Variants in NEGR1 observed in about 807,000 individuals in gnomAD.
NEGR1 encodes neuronal growth regulator 1, also known as IgLON family member 4.
In NEGR1, 10 loss-of-function variants were observed where a neutral mutation model predicts 40.9. The ratio of observed to expected loss-of-function variants is 0.24; its 90% CI spans 0.15 to 0.42. NEGR1 has a LOEUF of 0.42. Among genes scored for constraint, NEGR1 ranks in the 10% least tolerant of loss-of-function variants. NEGR1 has a pLI of 1.00. For synonymous variants in NEGR1, 185 were observed against 166.8 expected (o/e 1.11, Z -0.84); for missense variants, 352 against 438.9 (o/e 0.80, Z 1.77).
rs1218936081 is a variant in NEGR1 at position 71,592,857 on chromosome 1, G to A, written c.900C>T (p.Ala300=). 1.2e-6 allele frequency: 2 copies of A among 1,613,238 alleles called. No homozygotes were observed. Among genetic ancestry groups the A allele is most frequent in the Admixed American group, 3.3e-5 (2 of 59,984 alleles). Reference sequence around the variant, plus strand: ...TCGCATTGGTTGTGCCTAGCTTGTTGGCAGCCACACAGGTATAATTGCCGA... The same window carrying A: ...TCGCATTGGTTGTGCCTAGCTTGTTAGCAGCCACACAGGTATAATTGCCGA... ...EHFGNYTCVA[A]NKLGTTNASL... is the part of the protein sequence containing the mutation. The change falls in exon 6 of 7, where the codon GCC becomes GCT. Residue 300 remains alanine (A), a synonymous_variant. Coordinates refer to ENST00000357731, the MANE Select transcript of NEGR1 (RefSeq NM_173808.3).
At chr1:72,097,095 C>T (rs995176702) in intron 1 of NEGR1, among the ~76,000 whole-genome samples, 4 of 152,018 alleles carry the variant, frequency 2.6e-5, no homozygotes. Flanking sequence ...CTTAGTTTTA[C>T]TTTTTATTTT....
At chr1:72,253,449 T>C (rs1655168593) in intron 1 of NEGR1, among the ~76,000 whole-genome samples, 1 of 152,114 alleles carries the variant, frequency 6.6e-6, no homozygotes, top group Non-Finnish European at 1.5e-5. Context: ...GATTAAATAA[T>C]AAATCAACAC....
At chr1:71,473,741 T>G (rs1363288130) in intron 6 of NEGR1, among the ~76,000 whole-genome samples, 1 of 152,068 alleles carries the variant, frequency 6.6e-6, no homozygotes, top group Non-Finnish European at 1.5e-5. Context: ...TGGGGAGCAG[T>G]GGGTGGTAGT....
At chr1:71,870,279 T>C (rs980953757) in intron 2 of NEGR1, among the ~76,000 whole-genome samples, 2 of 152,194 alleles carry the variant, frequency 1.3e-5, no homozygotes, top group African/African-American at 2.4e-5. Flanking sequence ...TATTAGAATG[T>C]AGTATTGACA....
At chr1:72,096,638 T>C (rs938180594) in intron 1 of NEGR1, among the ~76,000 whole-genome samples, 1 of 150,620 alleles carries the variant, frequency 6.6e-6, no homozygotes. Flanking sequence ...CTTGTAGTTG[T>C]ATCTTTTACT....
intron 1 of NEGR1, among the ~76,000 whole-genome samples, chr1:72,072,204 T>G (rs1311100274): frequency 6.6e-6 from 1 of 152,112 alleles, no homozygotes; most frequent in Non-Finnish European, 1.5e-5. Flanking sequence ...TCCTATTATA[T>G]TTTGCTTTTT....
At chr1:71,697,166 C>A (rs990562643) in intron 4 of NEGR1, among the ~76,000 whole-genome samples, 17 of 151,696 alleles carry the variant, frequency 1.1e-4, no homozygotes, top group Non-Finnish European at 1.0e-4. Flanking sequence ...ACCACGTGCA[C>A]ATTATTAGCA....
intron 6 of NEGR1, among the ~76,000 whole-genome samples, chr1:71,467,640 A>G (rs775767721): frequency 3.9e-5 from 6 of 152,080 alleles, no homozygotes; most frequent in Admixed American, 2.6e-4. Context: ...CAGCATAGAC[A>G]TTAGCTGAAT....
chr1:71,884,087 G>A (rs1425731459), intron 2 of NEGR1, among the ~76,000 whole-genome samples: 1 of 151,864 alleles, frequency 6.6e-6, no homozygotes, highest in Non-Finnish European at 1.5e-5. Flanking sequence ...AAATCAAATT[G>A]GTCATTTTCT....
In NEGR1 at chr1:71,688,309, C is replaced by CATATATATATATATATATAT. The variant is rs373700339; in HGVS notation, c.667+9698_667+9699insATATATATATATATATATAT. ...GGTGAACTGGAGGAGTTTCCCTTTT[C>CATATATATATATATATATAT]ATATATATATATATATATAGATAGA... On this transcript the variant is annotated intron_variant, in intron 4 of 6. Transcript: ENST00000357731. Among the ~76,000 whole-genome samples, 80 of 41,330 alleles carry CATATATATATATATATATAT rather than the reference C, an allele frequency of 1.9e-3. 1 individual carries two copies. The highest frequency in any genetic ancestry group is 4.7e-3 in the South Asian group (6 of 1,282). 27.1% of individuals were successfully genotyped at this position (41,330 alleles called of 152,430 possible).
chr1:71,459,117 A>C (rs1311304124), intron 6 of NEGR1, among the ~76,000 whole-genome samples: 2 of 152,152 alleles, frequency 1.3e-5, no homozygotes, highest in Non-Finnish European at 2.9e-5. Flanking sequence ...CTTTAAGTAA[A>C]AATTAAGTTC....
At chr1:71,445,911 A>G (rs1276932320) in intron 6 of NEGR1, among the ~76,000 whole-genome samples, 1 of 152,218 alleles carries the variant, frequency 6.6e-6, no homozygotes, top group African/African-American at 2.4e-5. Context: ...GCTTTCTATT[A>G]TAGGAATTAC....
chr1:72,234,438 A>T (rs1654482941), intron 1 of NEGR1, among the ~76,000 whole-genome samples: 1 of 152,136 alleles, frequency 6.6e-6, no homozygotes, highest in South Asian at 2.1e-4. Flanking sequence ...CTGGGACCTA[A>T]TTAAACCAAG....
intron 6 of NEGR1, among the ~76,000 whole-genome samples, chr1:71,463,962 C>T (rs1646729391): frequency 6.6e-6 from 1 of 152,074 alleles, no homozygotes; most frequent in East Asian, 1.9e-4. Flanking sequence ...AATCCAGAGA[C>T]AAATTGATTT....
chr1:71,895,428 C>T (rs1459405045), intron 2 of NEGR1, among the ~76,000 whole-genome samples: 2 of 152,146 alleles, frequency 1.3e-5, no homozygotes, highest in East Asian at 1.9e-4. Flanking sequence ...AAAAGAAATG[C>T]CATTCCCATT....
At chr1:72,123,685 TA>T (rs967063745) in intron 1 of NEGR1, among the ~76,000 whole-genome samples, 39 of 151,974 alleles carry the variant, frequency 2.6e-4, no homozygotes, top group Non-Finnish European at 4.3e-4. Flanking sequence ...TATCTCAGCT[TA>T]AAAAAATTAG....
At position 72,108,956 on chromosome 1, in the gene NEGR1, T is replaced by C. The variant is rs189998884; in HGVS notation, c.176+173363A>G. The stretch of plus-strand genomic sequence containing the variant: ...CAACGCTACTTAATAGATTCTAATA[T>C]TAAAGTCTTCTCCTGGCTGCAGTGA... On this transcript the variant is annotated intron_variant, in intron 1 of 6. Coordinates refer to ENST00000357731, the MANE Select transcript of NEGR1 (RefSeq NM_173808.3). Among the ~76,000 whole-genome samples the C allele has an allele frequency of 4.3e-3, 659 of 151,778 alleles. 11 individuals carry two copies. The South Asian group carries it at 0.046, about 11-fold the overall frequency.
At chr1:71,593,012 C>G in intron 5 of NEGR1, 44 bp from the exon 6 acceptor site, 1 of 1,446,224 alleles carries the variant, frequency 6.9e-7, no homozygotes, top group Non-Finnish European at 9.7e-7. Flanking sequence ...ATTGTGAATA[C>G]CAGTTTCATT....
chr1:72,017,485 T>C (rs1032202587), intron 1 of NEGR1, among the ~76,000 whole-genome samples: 6 of 152,150 alleles, frequency 3.9e-5, no homozygotes, highest in African/African-American at 1.4e-4. Flanking sequence ...CAGATATTTG[T>C]TGAGTGAATG....
Sources: gnomAD v4.1 joint callset for allele counts (sites outside exome capture counted in the v4.1 genomes callset) on GRCh38, gnomAD v4.1.1 for gene constraint, MANE v1.5 for transcripts, NCBI Gene and HGNC (gene_info 2026-07-23, HGNC 2026-07-21) for gene names.